The following FANCC variants were observed in gnomAD, a reference collection of about 807,000 sequenced individuals.
FANCC encodes the protein FA complementation group C.
Under a neutral mutation model 71.3 loss-of-function variants are expected in FANCC, and 55 were observed. That is an observed-to-expected ratio of 0.77 (90% CI 0.62 to 0.97). The LOEUF is 0.97. Ranked by LOEUF, FANCC falls within the 50% of genes least tolerant of loss-of-function variation. The probability of loss-of-function intolerance (pLI) is 0.00; values close to 1 mark genes in which losing one functional copy is unlikely to be tolerated. For synonymous variants in FANCC, 275 were observed against 244.9 expected (o/e 1.12, Z -1.15); for missense variants, 678 against 670.9 (o/e 1.01, Z -0.12).
At chr9:95,164,326 A>G (rs913075640) in intron 6 of FANCC, among the ~76,000 whole-genome samples, 5 of 152,166 alleles carry the variant, frequency 3.3e-5, no homozygotes, top group African/African-American at 1.2e-4. Flanking sequence ...CTGATACTAT[A>G]TTAAATACAA....
At chr9:95,131,098 C>A (rs1826840307) in intron 8 of FANCC, among the ~76,000 whole-genome samples, 1 of 152,176 alleles carries the variant, frequency 6.6e-6, no homozygotes, top group Admixed American at 6.5e-5. Context: ...TATACACAAA[C>A]AATTTTTTCA....
chr9:95,101,326 C>A lies in FANCC; in HGVS notation c.*381G>T, dbSNP rs538871646. 2 of 357,712 alleles carry A rather than the reference C, an allele frequency of 5.6e-6. No individual in the cohort carries two copies. The highest frequency in any genetic ancestry group is 1.0e-5 in the Non-Finnish European group (2 of 191,896). The allele number at this position is 357,712 out of a possible 1,614,324, so 22.2% of individuals were successfully genotyped here. ...CTCTAAATTCTTTAATGGTTCATGA[C>A]CAAATTCTTGGTTCTAAGACTTTGA... On this transcript the variant is annotated 3_prime_UTR_variant, in exon 15 of 15. Coordinates refer to ENST00000289081, the MANE Select transcript of FANCC (RefSeq NM_000136.3).
chr9:95,288,083 C>T (rs887634527), intron 1 of FANCC, among the ~76,000 whole-genome samples: 2 of 152,108 alleles, frequency 1.3e-5, no homozygotes, highest in South Asian at 2.1e-4. Flanking sequence ...AATCTCTGTA[C>T]AGAACAAGTA....
chr9:95,249,110 T>G lies in FANCC; in HGVS notation c.165+17A>C, dbSNP rs1046183823. The stretch of plus-strand genomic sequence containing the variant: ...TGAAGTCAGAAAATAATTTCATTAT[T>G]CTGGTCCACTACTTACCATCTCTTT... On this transcript the variant is annotated intron_variant, in intron 2 of 14. Coordinates refer to ENST00000289081, the MANE Select transcript of FANCC (RefSeq NM_000136.3). 3 of 1,613,098 alleles carry G rather than the reference T, an allele frequency of 1.9e-6. No individual in the cohort carries two copies. The South Asian group carries it at 3.3e-5, about 18-fold the overall frequency.
chr9:95,213,957 C>G (rs1828680983), intron 4 of FANCC, among the ~76,000 whole-genome samples: 1 of 152,030 alleles, frequency 6.6e-6, no homozygotes, highest in Non-Finnish European at 1.5e-5. Flanking sequence ...ACAATAAAAA[C>G]CAAACAACAC....
intron 8 of FANCC, among the ~76,000 whole-genome samples, chr9:95,134,639 G>A (rs1184199104): frequency 1.3e-5 from 2 of 152,246 alleles, no homozygotes; most frequent in Non-Finnish European, 2.9e-5. Context: ...TTTTCAGGGT[G>A]CCTTGGTCTT....
intron 7 of FANCC, among the ~76,000 whole-genome samples, chr9:95,137,575 A>G (rs1208078805): frequency 6.6e-6 from 1 of 152,136 alleles, no homozygotes; most frequent in Non-Finnish European, 1.5e-5. Flanking sequence ...GAAGAGAAGA[A>G]ATGATTTCTG....
At position 95,240,673 on chromosome 9, in the gene FANCC, T is replaced by C. The variant is rs1441770870; in HGVS notation, c.321A>G (p.Gln107=). 9 of 1,612,852 alleles carry C rather than the reference T, an allele frequency of 5.6e-6. No homozygotes were observed. Among genetic ancestry groups the C allele is most frequent in the Non-Finnish European group, 7.6e-6 (9 of 1,179,012 alleles). The change falls in exon 4 of 15, where the codon CAA becomes CAG. Residue 107 remains glutamine (Q), a synonymous_variant. Coordinates refer to ENST00000289081, the MANE Select transcript of FANCC (RefSeq NM_000136.3). The part of the protein sequence containing the change: ...LINKEPQNSG[Q]SKLNSWIQGV... ...CCTGTATCCAGGAGTTAAGTTTTGA[T>C]TGTCCAGAATTCTGTGGTTCTTTGT...
intron 1 of FANCC, among the ~76,000 whole-genome samples, chr9:95,308,177 C>T (rs1188829667): frequency 1.3e-5 from 2 of 152,212 alleles, no homozygotes; most frequent in Non-Finnish European, 2.9e-5. Flanking sequence ...GTCCTATTCT[C>T]ACCATTTTGC....
chr9:95,116,235 T>C (rs2072409211), intron 11 of FANCC, among the ~76,000 whole-genome samples: 1 of 152,280 alleles, frequency 6.6e-6, no homozygotes, highest in Non-Finnish European at 1.5e-5. Context: ...TAGGCTTTGC[T>C]GATCTGACCT....
Position 95,294,430 on chromosome 9 carries a change from G to A in FANCC, c.-79+23096C>T, listed in dbSNP as rs544198369. ...GGGAAATTCTAACTTCTTAGGCCTT[G>A]AGATGTTTGACAGACAAACACAGAC... is the stretch of plus-strand genomic sequence containing the variant. On this transcript the variant is annotated intron_variant, in intron 1 of 14. Coordinates refer to ENST00000289081, the MANE Select transcript of FANCC (RefSeq NM_000136.3). 34 of 1,604,340 alleles carry A rather than the reference G, an allele frequency of 2.1e-5. No homozygotes were observed. The South Asian group carries it at 2.8e-4, about 13-fold the overall frequency.
intron 1 of FANCC, among the ~76,000 whole-genome samples, chr9:95,307,289 T>C (rs748548245): frequency 6.6e-6 from 1 of 152,156 alleles, no homozygotes; most frequent in Admixed American, 6.5e-5. Context: ...AATAGGGCTA[T>C]TGCCCAAAGT....
At chr9:95,187,025 G>C (rs1189481363) in intron 4 of FANCC, among the ~76,000 whole-genome samples, 2 of 152,076 alleles carry the variant, frequency 1.3e-5, no homozygotes, top group Admixed American at 6.6e-5. Flanking sequence ...CAGGTGCCTT[G>C]ACCTCCCAAA....
Position 95,171,008 on chromosome 9 carries a change from A to C in FANCC, c.521+71T>G, listed in dbSNP as rs898818291. 3.4e-6 allele frequency: 4 copies of C among 1,180,748 alleles called. No individual in the cohort carries two copies. In the African/African-American group the frequency reaches 6.0e-5, roughly 18 times the overall value. The allele number at this position is 1,180,748 out of a possible 1,614,324, so 73.1% of individuals were successfully genotyped here. A position where few individuals can be genotyped will look rare whatever the true frequency, so the allele number is the denominator to read the frequency against. ...GAACATCCATTTCCTATGAATTGTA[A>C]AATTTTCCTCTCATAACCAAACTGA... On this transcript the variant is annotated intron_variant, in intron 6 of 14. Coordinates refer to ENST00000289081, the MANE Select transcript of FANCC (RefSeq NM_000136.3).
chr9:95,153,667 G>A (rs1830304846), intron 6 of FANCC, among the ~76,000 whole-genome samples: 2 of 152,208 alleles, frequency 1.3e-5, no homozygotes, highest in South Asian at 4.2e-4. Context: ...TGTTTGATGG[G>A]ATTGCTTTTT....
intron 8 of FANCC, among the ~76,000 whole-genome samples, chr9:95,128,978 C>A (rs1826447119): frequency 6.6e-6 from 1 of 151,842 alleles, no homozygotes; most frequent in African/African-American, 2.4e-5. Flanking sequence ...TCTTGGCTCA[C>A]TGCAACCTCC....
intron 6 of FANCC, among the ~76,000 whole-genome samples, chr9:95,159,358 G>T (rs889896035): frequency 6.6e-6 from 1 of 152,186 alleles, no homozygotes; most frequent in African/African-American, 2.4e-5. Flanking sequence ...CAAAGGACAT[G>T]AACTCATCCT....
intron 10 of FANCC, chr9:95,124,012 G>A (rs1825540897): frequency 3.1e-6 from 1 of 319,758 alleles, no homozygotes; most frequent in African/African-American, 2.2e-5. Flanking sequence ...GCTGAAGTGT[G>A]AGGATCACCT....
At chr9:95,177,606 A>G (rs1345016710) in intron 4 of FANCC, among the ~76,000 whole-genome samples, 2 of 152,268 alleles carry the variant, frequency 1.3e-5, no homozygotes, top group Admixed American at 1.3e-4. Context: ...GTACAGCGGT[A>G]CAAAAATATC....
Sources: allele counts gnomAD v4.1 joint callset (sites outside exome capture counted in the v4.1 genomes callset), GRCh38; gene constraint gnomAD v4.1.1; transcripts MANE v1.5; gene names NCBI Gene and HGNC (gene_info 2026-07-23, HGNC 2026-07-21).